Variants in CD86 observed in about 807,000 individuals in gnomAD.
The protein encoded by CD86 is T-lymphocyte activation antigen CD86.
Under a neutral mutation model 32.1 loss-of-function variants are expected in CD86, and 11 were observed. The ratio of observed to expected loss-of-function variants is 0.34; its 90% confidence interval spans 0.22 to 0.57. The LOEUF is 0.57. CD86 is among the 20% of genes least tolerant of loss of function. The pLI, the probability that CD86 is intolerant of heterozygous loss-of-function variation, is 0.86. For missense variants in CD86, 359 were observed against 398.4 expected (o/e 0.90, Z 0.84); for synonymous variants, 137 against 135.3 (o/e 1.01, Z -0.09).
intron 5 of CD86, among the ~76,000 whole-genome samples, chr3:122,110,282 C>A (rs923905507): frequency 1.3e-5 from 2 of 152,166 alleles, no homozygotes; most frequent in Non-Finnish European, 1.5e-5. Flanking sequence ...ATTATAAACA[C>A]CCTCCCCACT....
chr3:122,073,017 G>A (rs866333416), intron 1 of CD86, among the ~76,000 whole-genome samples: 55 of 151,730 alleles, frequency 3.6e-4, no homozygotes, highest in Admixed American at 4.6e-4. Context: ...TTTTTCTCAG[G>A]TTTGTCAAAG....
chr3:122,091,725 C>A, intron 2 of CD86, 75 bp downstream of exon 2: 1 of 1,225,790 alleles, frequency 8.2e-7, no homozygotes, highest in Non-Finnish European at 1.2e-6. Context: ...CAAGCCCAGG[C>A]CTGAGACTTG....
At chr3:122,100,360 G>T (rs184773710) in intron 2 of CD86, among the ~76,000 whole-genome samples, 2 of 152,282 alleles carry the variant, frequency 1.3e-5, no homozygotes, top group African/African-American at 4.8e-5. Flanking sequence ...GGCTTCCTTT[G>T]GGTGAAGCCA....
At position 122,119,491 on chromosome 3, in the gene CD86, G is replaced by A. The variant is rs760812480; in HGVS notation, c.947G>A (p.Ser316Asn). ...GATGAAGCCCAGCGTGTTTTTAAAAGTTCGAAGACATCTTCATGCGACAAA... is the reference window on the plus strand; with the variant it reads ...GATGAAGCCCAGCGTGTTTTTAAAAATTCGAAGACATCTTCATGCGACAAA... ...RSDEAQRVFK[S>N]SKTSSCDKSD... is the part of the protein sequence containing the mutation. Residue 316 changes from serine (S) to asparagine (N), a missense_variant, in exon 7 of 7, where the codon AGT (serine) becomes AAT (asparagine). Transcript: ENST00000330540. The A allele has an allele frequency of 6.2e-7, 1 of 1,611,726 alleles. No individual in the cohort carries two copies. The highest frequency in any genetic ancestry group is 8.5e-7 in the Non-Finnish European group (1 of 1,177,900).
At position 122,055,388 on chromosome 3, in the gene CD86, G is replaced by C; in HGVS notation, c.-102G>C. The C allele has an allele frequency of 3.5e-6, 4 of 1,152,862 alleles. No homozygotes were observed. The Admixed American group carries it at 6.8e-5, about 20-fold the overall frequency. The allele number at this position is 1,152,862 out of a possible 1,614,324, so 71.4% of individuals were successfully genotyped here. On this transcript the variant is annotated 5_prime_UTR_variant, in exon 1 of 7. Coordinates refer to ENST00000330540, the MANE Select transcript of CD86 (RefSeq NM_175862.5). ...GTCATTGCCGAGGAAGGCTTGCACA[G>C]GGTGAAAGCTTTGCTTCTCTGCTGC...
intron 1 of CD86, among the ~76,000 whole-genome samples, chr3:122,087,724 C>T (rs2072747980): frequency 6.6e-6 from 1 of 152,068 alleles, no homozygotes; most frequent in African/African-American, 2.4e-5. Context: ...TGGGCCAGGC[C>T]AGGATTTTGA....
intron 2 of CD86, among the ~76,000 whole-genome samples, chr3:122,101,507 A>ATATATAT (rs1166770159): frequency 2.0e-4 from 16 of 79,772 alleles, no homozygotes; most frequent in African/African-American, 5.3e-4. Flanking sequence ...AAAAAAAAAA[A>ATATATAT]AAAAAAATAT....
intron 1 of CD86, among the ~76,000 whole-genome samples, chr3:122,088,733 T>C (rs947813292): frequency 6.6e-6 from 1 of 152,220 alleles, no homozygotes; most frequent in African/African-American, 2.4e-5. Context: ...TCGATGGGAA[T>C]GTAAAGTGAT....
chr3:122,057,669 A>C (rs1445576130), intron 1 of CD86, among the ~76,000 whole-genome samples: 1 of 152,224 alleles, frequency 6.6e-6, no homozygotes, highest in Non-Finnish European at 1.5e-5. Flanking sequence ...GTGATGTGTG[A>C]TAATTTATAA....
chr3:122,117,798 A>G (rs2073277290), intron 5 of CD86, among the ~76,000 whole-genome samples: 1 of 152,232 alleles, frequency 6.6e-6, no homozygotes, highest in Admixed American at 6.5e-5. Context: ...GGATAGAGAT[A>G]TAAGTGAAAA....
intron 2 of CD86, among the ~76,000 whole-genome samples, chr3:122,102,980 A>G (rs973956100): frequency 6.6e-6 from 1 of 151,248 alleles, no homozygotes; most frequent in Admixed American, 6.6e-5. Context: ...GAAGTATAAT[A>G]AAGGGGGGCT....
chr3:122,080,979 T>A (rs1261688041), intron 1 of CD86, among the ~76,000 whole-genome samples: 1 of 152,204 alleles, frequency 6.6e-6, no homozygotes. Context: ...CCTGTAATAC[T>A]GGCTTTCTTG....
chr3:122,064,580 G>A (rs920295573), intron 1 of CD86, among the ~76,000 whole-genome samples: 1 of 152,272 alleles, frequency 6.6e-6, no homozygotes, highest in East Asian at 1.9e-4. Context: ...AGTGCTTCTG[G>A]TCACCACTCT....
chr3:122,055,861 G>T (rs923521753), intron 1 of CD86, among the ~76,000 whole-genome samples: 1 of 152,072 alleles, frequency 6.6e-6, no homozygotes, highest in African/African-American at 2.4e-5. Context: ...GGGTCAGTTT[G>T]GTCTGAGGGT....
At chr3:122,079,453 A>G (rs1001595832) in intron 1 of CD86, among the ~76,000 whole-genome samples, 3 of 152,208 alleles carry the variant, frequency 2.0e-5, no homozygotes, top group East Asian at 1.9e-4. Flanking sequence ...TCCCTAGGCC[A>G]GGGGATTGAA....
chr3:122,084,178 G>A (rs920215917), intron 1 of CD86, among the ~76,000 whole-genome samples: 1 of 152,254 alleles, frequency 6.6e-6, no homozygotes, highest in Non-Finnish European at 1.5e-5. Flanking sequence ...GTAGAGACGG[G>A]GTTTCCCCAT....
intron 1 of CD86, among the ~76,000 whole-genome samples, chr3:122,072,192 G>A (rs1472766959): frequency 6.7e-5 from 10 of 149,368 alleles, no homozygotes; most frequent in South Asian, 2.2e-4. Flanking sequence ...ATAAACATAC[G>A]TGTGCATGTG....
chr3:122,080,361 C>T (rs115103764), intron 1 of CD86, among the ~76,000 whole-genome samples: 1 of 152,062 alleles, frequency 6.6e-6, no homozygotes, highest in Non-Finnish European at 1.5e-5. Context: ...CAGAAAGTTT[C>T]GATTCTAGAT....
At chr3:122,086,647 G>A in intron 1 of CD86, 1 of 463,334 alleles carries the variant, frequency 2.2e-6, no homozygotes, top group South Asian at 1.5e-5. Flanking sequence ...TCTGTACCTG[G>A]CACACAGTGG....
Sources: gnomAD v4.1 joint callset for allele counts (sites outside exome capture counted in the v4.1 genomes callset) on GRCh38, gnomAD v4.1.1 for gene constraint, MANE v1.5 for transcripts, NCBI Gene and HGNC (gene_info 2026-07-23, HGNC 2026-07-21) for gene names.